Variants in HOXB2 observed in about 807,000 individuals in gnomAD.
The protein encoded by HOXB2 is homeobox protein Hox-B2.
A neutral mutation model predicts 13.1 loss-of-function variants in HOXB2; 14 were observed. The observed-to-expected ratio is 1.07, with a 90% CI of 0.71 to 1.67. HOXB2 has a LOEUF of 1.67. Ranked by LOEUF, HOXB2 falls within the 40% of genes most tolerant of loss-of-function variation. The probability of loss-of-function intolerance (pLI) is 0.00; values close to 1 mark genes in which losing one functional copy is unlikely to be tolerated. For synonymous variants in HOXB2, 261 were observed against 233.1 expected (o/e 1.12, Z -1.09); for missense variants, 582 against 488.3 (o/e 1.19, Z -1.81).
Position 48,544,776 on chromosome 17 carries a change from G to A in HOXB2, c.136C>T (p.Pro46Ser). 1 of 1,614,142 alleles carries A rather than the reference G, an allele frequency of 6.2e-7. No individual in the cohort carries two copies. Among genetic ancestry groups the A allele is most frequent in the African/African-American group, 1.3e-5 (1 of 75,030 alleles). The change falls in exon 1 of 2, where the codon CCT becomes TCT. Residue 46 changes from proline to serine, a missense_variant. Physicochemically the swap from Pro to Ser is moderately conservative, Grantham distance 74 (BLOSUM62 -1). Coordinates refer to ENST00000330070, the MANE Select transcript of HOXB2 (RefSeq NM_002145.4). Reference protein sequence around the residue: ...SIKESTLIPPPPPFEQTFPSL... With the variant: ...SIKESTLIPPSPPFEQTFPSL... ...GGGAAGGTTTGCTCGAAAGGAGGAG[G>A]AGGAGGAATTAATGTCGACTCCTTG...
At position 48,542,923 on chromosome 17, in the gene HOXB2, A is replaced by G; in HGVS notation, c.*145T>C. 3.9e-6 allele frequency: 2 copies of G among 512,078 alleles called. No individual in the cohort carries two copies. The highest frequency in any genetic ancestry group is 6.6e-6 in the Non-Finnish European group (2 of 300,958). 31.7% of individuals were successfully genotyped at this position (512,078 alleles called of 1,614,324 possible). ...GCCCAATATTTTAGAAGAAGAAGAA[A>G]GGGAGTGGATTAAACGCTAATTCAG... On this transcript the variant is annotated 3_prime_UTR_variant, in exon 2 of 2. Transcript: ENST00000330070.
At position 48,543,285 on chromosome 17, in the gene HOXB2, A is replaced by C; in HGVS notation, c.854T>G (p.Leu285Arg). The C allele has an allele frequency of 6.2e-7, 1 of 1,601,630 alleles. No individual in the cohort carries two copies. Among genetic ancestry groups the C allele is most frequent in the Non-Finnish European group, 8.5e-7 (1 of 1,178,092 alleles). ...PGCALRGAGG[L>R]EPGPLPEDVF... ...GTCTTCTGGCAATGGCCCGGGCTCC[A>C]GCCCGCCGGCCCCGCGCAGCGCGCA... The change falls in exon 2 of 2, where the codon CTG becomes CGG. Residue 285 changes from leucine (L) to arginine (R), a missense_variant. Coordinates refer to ENST00000330070, the MANE Select transcript of HOXB2 (RefSeq NM_002145.4).
intron 1 of HOXB2, 67 bp downstream of exon 1, chr17:48,544,454 T>A: frequency 6.7e-7 from 1 of 1,498,384 alleles, no homozygotes; most frequent in South Asian, 1.3e-5. Context: ...TTTTTAAACC[T>A]CCTTCCACTG....
At chr17:48,544,084 A>AT (rs796557889) in intron 1 of HOXB2, 3 of 985,142 alleles carry the variant, frequency 3.0e-6, no homozygotes, top group South Asian at 4.7e-5. Context: ...AACCGGAGCG[A>AT]GGGTCAGAAA....
Position 48,543,625 on chromosome 17 carries a change from G to A in HOXB2, c.514C>T (p.Arg172Cys). The change falls in exon 2 of 2, where the codon CGC becomes TGC. Residue 172 changes from arginine to cysteine, a missense_variant. Transcript: ENST00000330070. Reference sequence around the variant, plus strand: ...AGCAAGGCCGCGATCTCGACGCGGCGTGGCCGGCACAGGTACTTATTAAAG... The same window carrying A: ...AGCAAGGCCGCGATCTCGACGCGGCATGGCCGGCACAGGTACTTATTAAAG... Reference protein sequence around the residue: ...FHFNKYLCRPRRVEIAALLDL... With the variant: ...FHFNKYLCRPCRVEIAALLDL... The A allele has an allele frequency of 6.2e-7, 1 of 1,613,664 alleles. No individual in the cohort carries two copies. The highest frequency in any genetic ancestry group is 8.5e-7 in the Non-Finnish European group (1 of 1,180,012).
At position 48,544,692 on chromosome 17, in the gene HOXB2, C is replaced by G; in HGVS notation, c.220G>C (p.Asp74His). Residue 74 changes from aspartate to histidine, a missense_variant, in exon 1 of 2, where the codon GAT (aspartate) becomes CAT (histidine). Transcript: ENST00000330070. ...GGTGGCGGCGGCAGAGCAGGCCCATCTTCGGCTCGCTTTTGGCTCCTGGGT... is the reference window on the plus strand; with the variant it reads ...GGTGGCGGCGGCAGAGCAGGCCCATGTTCGGCTCGCTTTTGGCTCCTGGGT... ...QRPRSQKRAEDGPALPPPPPP... is the reference protein window; with the variant it reads ...QRPRSQKRAEHGPALPPPPPP... 1 of 1,613,688 alleles carries G rather than the reference C, an allele frequency of 6.2e-7. No individual in the cohort carries two copies.
chr17:48,544,373 C>T, intron 1 of HOXB2, 148 bp downstream of exon 1: 2 of 1,435,214 alleles, frequency 1.4e-6, no homozygotes, highest in Non-Finnish European at 9.1e-7. Context: ...GCCTGAACCC[C>T]AGTGGGATAT....
At position 48,542,844 on chromosome 17, in the gene HOXB2, G is replaced by A. The variant is rs780519661; in HGVS notation, c.*224C>T. 9 of 395,508 alleles carry A rather than the reference G, an allele frequency of 2.3e-5. No individual in the cohort carries two copies. The highest frequency in any genetic ancestry group is 4.0e-5 in the Non-Finnish European group (9 of 224,570). 24.5% of individuals were successfully genotyped at this position (395,508 alleles called of 1,614,324 possible). A position where few individuals can be genotyped will look rare whatever the true frequency, so the allele number is the denominator to read the frequency against. On this transcript the variant is annotated 3_prime_UTR_variant, in exon 2 of 2. Coordinates refer to ENST00000330070, the MANE Select transcript of HOXB2 (RefSeq NM_002145.4). ...TTTAATTATTCCTGAGATTTCATTG[G>A]AAGGAGTCTACCAAACGGAATTTTT...
At position 48,544,955 on chromosome 17, in the gene HOXB2, G is replaced by C. The variant is rs199560772; in HGVS notation, c.-44C>G. The C allele has an allele frequency of 5.5e-5, 74 of 1,350,792 alleles. No homozygotes were observed. The East Asian group carries it at 1.4e-3, about 26-fold the overall frequency. The allele number at this position is 1,350,792 out of a possible 1,614,324, so 83.7% of individuals were successfully genotyped here. Reference sequence around the variant, plus strand: ...AGGGGGCTGCTGGGGGGGGCGTCAGGAGGGAGGATCGGAAGGGACCCCCCT... The same window carrying C: ...AGGGGGCTGCTGGGGGGGGCGTCAGCAGGGAGGATCGGAAGGGACCCCCCT... On this transcript the variant is annotated 5_prime_UTR_variant, in exon 1 of 2. Coordinates refer to ENST00000330070, the MANE Select transcript of HOXB2 (RefSeq NM_002145.4).
chr17:48,544,908 T>A lies in HOXB2; in HGVS notation c.4A>T (p.Asn2Tyr). Residue 2 changes from asparagine (N) to tyrosine (Y), a missense_variant, in exon 1 of 2, where the codon AAT becomes TAT. Transcript: ENST00000330070. ...CCAATCTCCCTCTCAAATTCAAAATTCATGGCTTTCAATGGTGGGGGAGGG... is the reference window on the plus strand; with the variant it reads ...CCAATCTCCCTCTCAAATTCAAAATACATGGCTTTCAATGGTGGGGGAGGG... The part of the protein sequence containing the change: M[N>Y]FEFEREIGFI... The A allele has an allele frequency of 7.8e-7, 1 of 1,286,266 alleles. No individual in the cohort carries two copies. The highest frequency in any genetic ancestry group is 1.1e-6 in the Non-Finnish European group (1 of 944,094). The allele number at this position is 1,286,266 out of a possible 1,614,324, so 79.7% of individuals were successfully genotyped here.
Position 48,543,575 on chromosome 17 carries a change from T to C in HOXB2, c.564A>G (p.Lys188=). The change falls in exon 2 of 2, where the codon AAA becomes AAG. Residue 188 remains lysine (K), a synonymous_variant. Coordinates refer to ENST00000330070, the MANE Select transcript of HOXB2 (RefSeq NM_002145.4). ...ALLDLTERQV[K]VWFQNRRMKH... ...TCATGCGCCGGTTCTGAAACCAGAC[T>C]TTGACCTGCCTTTCGGTGAGGTCCA... 6.2e-7 allele frequency: 1 copy of C among 1,613,320 alleles called. No homozygotes were observed. The highest frequency in any genetic ancestry group is 8.5e-7 in the Non-Finnish European group (1 of 1,179,974).
In HOXB2 at chr17:48,543,070, AG is replaced by A; in HGVS notation, c.1068del (p.Ter357AsnfsTer30). ...STLCAIDLQFP is the reference protein window; with the variant it reads ...STLCAIDLQFX ...AAGGACCGGGAGGAGGAAACAGGTT[AG>A]GGAAACTGCAGGTCGATGGCACAGA... On this transcript the variant is annotated frameshift_variant, in exon 2 of 2. Transcript: ENST00000330070. LOFTEE classifies it high-confidence loss of function. The A allele has an allele frequency of 6.3e-6, 10 of 1,590,234 alleles. No individual in the cohort carries two copies. Among genetic ancestry groups the A allele is most frequent in the Middle Eastern group, 1.7e-4 (1 of 5,928 alleles).
chr17:48,544,076 C>G (rs1031515021), intron 1 of HOXB2: 1 of 985,354 alleles, frequency 1.0e-6, no homozygotes, highest in African/African-American at 1.7e-5. Flanking sequence ...TCCAACTCAA[C>G]CGGAGCGAGG....
At chr17:48,543,797 A>T in intron 1 of HOXB2, 50 bp from the exon 2 acceptor site, 1 of 1,527,164 alleles carries the variant, frequency 6.5e-7, no homozygotes, top group East Asian at 2.3e-5. Context: ...ACTCAGCCCA[A>T]CCTCAGTTCG....
Position 48,543,070 on chromosome 17 carries a change from A to G in HOXB2, c.1069T>C (p.Ter357GlnextTer41). Residue 357 changes from the stop codon to glutamine (Q), a stop_lost, in exon 2 of 2, where the codon TAA becomes CAA. Coordinates refer to ENST00000330070, the MANE Select transcript of HOXB2 (RefSeq NM_002145.4). ...AAGGACCGGGAGGAGGAAACAGGTTAGGGAAACTGCAGGTCGATGGCACAG... is the reference window on the plus strand; with the variant it reads ...AAGGACCGGGAGGAGGAAACAGGTTGGGGAAACTGCAGGTCGATGGCACAG... ...TLCAIDLQFP[*>Q] 6.3e-7 allele frequency: 1 copy of G among 1,590,234 alleles called. No homozygotes were observed. Among genetic ancestry groups the G allele is most frequent in the South Asian group, 1.1e-5 (1 of 88,326 alleles).
Position 48,542,992 on chromosome 17 carries a change from G to A in HOXB2, c.*76C>T. On this transcript the variant is annotated 3_prime_UTR_variant, in exon 2 of 2. Transcript: ENST00000330070. ...AAAACACATAAGTCTATGCGACTGA[G>A]GGTGGGAGAGGCTCGATTTTTCCAG... 5.1e-6 allele frequency: 6 copies of A among 1,168,928 alleles called. No homozygotes were observed. In the South Asian group the frequency reaches 7.8e-5, roughly 15 times the overall value. The allele number at this position is 1,168,928 out of a possible 1,614,324, so 72.4% of individuals were successfully genotyped here. A position where few individuals can be genotyped will look rare whatever the true frequency, so the allele number is the denominator to read the frequency against.
In HOXB2 at chr17:48,543,616, C is replaced by G. The variant is rs764446621; in HGVS notation, c.523G>C (p.Glu175Gln). Reference protein sequence around the residue: ...NKYLCRPRRVEIAALLDLTER... With the variant: ...NKYLCRPRRVQIAALLDLTER... ...GTGAGGTCCAGCAAGGCCGCGATCTCGACGCGGCGTGGCCGGCACAGGTAC... is the reference window on the plus strand; with the variant it reads ...GTGAGGTCCAGCAAGGCCGCGATCTGGACGCGGCGTGGCCGGCACAGGTAC... Residue 175 changes from glutamate to glutamine, a missense_variant, in exon 2 of 2, where the codon GAG becomes CAG. Physicochemically the swap from Glu to Gln is conservative, Grantham distance 29. Transcript: ENST00000330070. 2 of 1,613,668 alleles carry G rather than the reference C, an allele frequency of 1.2e-6. No individual in the cohort carries two copies. The highest frequency in any genetic ancestry group is 1.7e-5 in the Admixed American group (1 of 60,032).
At position 48,544,939 on chromosome 17, in the gene HOXB2, C is replaced by CTGGGGGGGGGGGGGGGG; in HGVS notation, c.-29_-28insCCCCCCCCCCCCCCCCA. The CTGGGGGGGGGGGGGGGG allele has an allele frequency of 2.4e-6, 1 of 414,288 alleles. No homozygotes were observed. Among genetic ancestry groups the CTGGGGGGGGGGGGGGGG allele is most frequent in the East Asian group, 5.0e-5 (1 of 20,122 alleles). The allele number at this position is 414,288 out of a possible 1,614,324, so 25.7% of individuals were successfully genotyped here. ...CTTTCAATGGTGGGGGAGGGGGCTG[C>CTGGGGGGGGGGGGGGGG]TGGGGGGGGCGTCAGGAGGGAGGAT... On this transcript the variant is annotated 5_prime_UTR_variant, in exon 1 of 2. Coordinates refer to ENST00000330070, the MANE Select transcript of HOXB2 (RefSeq NM_002145.4).
In HOXB2 at chr17:48,543,065, A is replaced by T; in HGVS notation, c.*3T>A. ...GTCGAAAGGACCGGGAGGAGGAAAC[A>T]GGTTAGGGAAACTGCAGGTCGATGG... On this transcript the variant is annotated 3_prime_UTR_variant, in exon 2 of 2. Transcript: ENST00000330070. The T allele has an allele frequency of 6.3e-7, 1 of 1,575,306 alleles. No homozygotes were observed. Among genetic ancestry groups the T allele is most frequent in the Non-Finnish European group, 8.6e-7 (1 of 1,161,712 alleles).
Sources: allele counts gnomAD v4.1 joint callset, GRCh38; gene constraint gnomAD v4.1.1; transcripts MANE v1.5; gene names NCBI Gene and HGNC (gene_info 2026-07-23, HGNC 2026-07-21).